Variants in LRRC37A2 observed in about 807,000 individuals in gnomAD.
LRRC37A2 encodes the protein leucine rich repeat containing 37 member A2.
In LRRC37A2, 9 loss-of-function variants were observed where a neutral mutation model predicts 68.8. The observed-to-expected ratio is 0.13, with a 90% confidence interval of 0.08 to 0.23. The LOEUF is 0.23. Ranked by LOEUF, LRRC37A2 falls within the 10% of genes least tolerant of loss-of-function variation. LRRC37A2 has a pLI of 1.00. For synonymous variants in LRRC37A2, 63 were observed against 367.6 expected (o/e 0.17, Z 9.48); for missense variants, 168 against 950.4 (o/e 0.18, Z 10.82).
chr17:46,773,623 T>TGCCCCCC, the LRRC37A2 span: 52 of 383,492 alleles, frequency 1.4e-4, 1 homozygote, highest in Middle Eastern at 1.8e-3. Context: ...TCCTGATCCC[T>TGCCCCCC]CCCCCCACCC....
chr17:46,948,192 G>A, the LRRC37A2 span, among the ~76,000 whole-genome samples: 6 of 152,218 alleles, frequency 3.9e-5, no homozygotes, highest in East Asian at 1.2e-3. Context: ...ACCTCTCCAC[G>A]CCTCTGTTCT....
At chr17:46,774,000 G>C in the LRRC37A2 span, 1 of 1,527,648 alleles carries the variant, frequency 6.5e-7, no homozygotes, top group Non-Finnish European at 8.8e-7. Context: ...CTCCGGGGTA[G>C]GTGGAGAGGC....
the LRRC37A2 span, among the ~76,000 whole-genome samples, chr17:46,813,532 G>GTC: frequency 6.6e-6 from 1 of 151,936 alleles, no homozygotes; most frequent in African/African-American, 2.4e-5. Context: ...GGTGGAGGAT[G>GTC]TCTTGCCCTC....
At chr17:46,665,991 GC>G in the LRRC37A2 span, among the ~76,000 whole-genome samples, 1 of 142,104 alleles carries the variant, frequency 7.0e-6, no homozygotes, top group Non-Finnish European at 1.6e-5. Context: ...CCCAGAAATA[GC>G]CCCAGTTCCT....
chr17:46,534,511 G>C (rs1366023418), intron 6 of LRRC37A2, among the ~76,000 whole-genome samples: 5 of 148,238 alleles, frequency 3.4e-5, no homozygotes, highest in Admixed American at 2.6e-4. Context: ...CACTGGGTTG[G>C]GGGTAAGGTC....
the LRRC37A2 span, among the ~76,000 whole-genome samples, chr17:46,707,553 C>T: frequency 3.3e-5 from 5 of 152,074 alleles, no homozygotes; most frequent in African/African-American, 1.2e-4. Context: ...CCCTCCCCTA[C>T]AACACCTGGC....
chr17:46,931,664 C>T, the LRRC37A2 span: 1 of 326,114 alleles, frequency 3.1e-6, no homozygotes, highest in South Asian at 3.5e-5. Context: ...ACCTCCACCC[C>T]CAGCGCCTGT....
At chr17:46,800,429 CTG>C in the LRRC37A2 span, among the ~76,000 whole-genome samples, 3 of 152,200 alleles carry the variant, frequency 2.0e-5, no homozygotes, top group Non-Finnish European at 1.5e-5. Flanking sequence ...GAATTCCTAA[CTG>C]TGCTCCTGCA....
At chr17:46,903,640 T>C in the LRRC37A2 span, among the ~76,000 whole-genome samples, 1 of 152,146 alleles carries the variant, frequency 6.6e-6, no homozygotes, top group Admixed American at 6.6e-5. Context: ...TCCAGTACCC[T>C]ACACCAAATC....
chr17:46,982,049 A>G, the LRRC37A2 span, among the ~76,000 whole-genome samples: 2 of 152,130 alleles, frequency 1.3e-5, no homozygotes, highest in Non-Finnish European at 2.9e-5. Flanking sequence ...TAGGCACCCC[A>G]GATTGGGAAA....
chr17:46,715,214 A>G, the LRRC37A2 span, among the ~76,000 whole-genome samples: 1 of 152,368 alleles, frequency 6.6e-6, no homozygotes, highest in Admixed American at 6.5e-5. Context: ...AGATGCAAAA[A>G]GAACTTATAA....
the LRRC37A2 span, among the ~76,000 whole-genome samples, chr17:47,003,096 A>T: frequency 5.9e-5 from 9 of 151,580 alleles, no homozygotes; most frequent in East Asian, 1.9e-4. Context: ...AAATATTTTT[A>T]AAAATTAGCC....
At chr17:46,853,801 T>C in the LRRC37A2 span, among the ~76,000 whole-genome samples, 1 of 152,092 alleles carries the variant, frequency 6.6e-6, no homozygotes, top group South Asian at 2.1e-4. Context: ...CCACGATTCA[T>C]TTGTTTGCTT....
At chr17:46,938,834 G>A in the LRRC37A2 span, 1 of 1,606,186 alleles carries the variant, frequency 6.2e-7, no homozygotes, top group Non-Finnish European at 8.5e-7. Flanking sequence ...AGAGAGGGGG[G>A]CCCAGAGGCC....
the LRRC37A2 span, chr17:46,755,599 T>C: frequency 1.4e-6 from 1 of 696,800 alleles, no homozygotes; most frequent in Non-Finnish European, 2.4e-6. Context: ...AACTTAATGG[T>C]ACATATTTAT....
chr17:46,755,410 C>A, the LRRC37A2 span: 1 of 1,488,468 alleles, frequency 6.7e-7, no homozygotes, highest in Non-Finnish European at 9.4e-7. Context: ...ACCAAACTTA[C>A]CACCCTGTTA....
the LRRC37A2 span, among the ~76,000 whole-genome samples, chr17:46,991,031 T>A: frequency 1.6e-4 from 25 of 152,214 alleles, no homozygotes; most frequent in African/African-American, 5.5e-4. Context: ...CAGGAATTTA[T>A]CCCATTGCAA....
At chr17:46,872,398 G>A in the LRRC37A2 span, 6 of 1,350,304 alleles carry the variant, frequency 4.4e-6, no homozygotes, top group Admixed American at 5.7e-5. Flanking sequence ...GACCTCCAGC[G>A]GGTCAGCCTG....
the LRRC37A2 span, chr17:46,876,531 A>G: frequency 1.2e-6 from 2 of 1,613,514 alleles, no homozygotes; most frequent in Non-Finnish European, 1.7e-6. Flanking sequence ...CCCAGCAAGT[A>G]CTCACCTGGC....
Sources: gnomAD v4.1 joint callset for allele counts (sites outside exome capture counted in the v4.1 genomes callset) on GRCh38, gnomAD v4.1.1 for gene constraint, MANE v1.5 for transcripts, NCBI Gene and HGNC (gene_info 2026-07-23, HGNC 2026-07-21) for gene names.